DNAH14: variants seen among roughly 807,000 people sequenced by gnomAD.
The protein encoded by DNAH14 is axonemal beta dynein heavy chain 14.
Under a neutral mutation model 520.9 loss-of-function variants are expected in DNAH14, and 478 were observed. That is an observed-to-expected ratio of 0.92 (90% CI 0.85 to 0.99). DNAH14 has a LOEUF of 0.99. Among genes scored for constraint, DNAH14 ranks in the 50% least tolerant of loss-of-function variants. The pLI, the probability that DNAH14 is intolerant of heterozygous loss-of-function variation, is 0.00. For missense variants in DNAH14, 4,831 were observed against 5,234.5 expected (o/e 0.92, Z 2.38); for synonymous variants, 1,581 against 1,757.2 (o/e 0.90, Z 2.51).
At chr1:225,319,284 C>T (rs1391771482) in intron 61 of DNAH14, among the ~76,000 whole-genome samples, 2 of 152,132 alleles carry the variant, frequency 1.3e-5, no homozygotes, top group African/African-American at 2.4e-5. Flanking sequence ...AGAAATGAAA[C>T]ATTTTAGGCT....
intron 23 of DNAH14, among the ~76,000 whole-genome samples, chr1:225,102,576 C>A (rs954124472): frequency 9.9e-5 from 15 of 152,080 alleles, no homozygotes; most frequent in African/African-American, 3.4e-4. Flanking sequence ...TTTTAATGAT[C>A]GCCATTCTAA....
At position 225,305,096 on chromosome 1, in the gene DNAH14, C is replaced by T. The variant is rs1176469647; in HGVS notation, c.9005+7C>T. 11 of 1,518,412 alleles carry T rather than the reference C, an allele frequency of 7.2e-6. No homozygotes were observed. Among genetic ancestry groups the T allele is most frequent in the Non-Finnish European group, 9.7e-6 (11 of 1,139,510 alleles). 94.1% of individuals were successfully genotyped at this position (1,518,412 alleles called of 1,614,324 possible). On this transcript the variant is annotated splice_region_variant and intron_variant, in intron 58 of 85. Transcript: ENST00000682510. The stretch of plus-strand genomic sequence containing the variant: ...AAGAGATGCAAACAAAGAGGTAAGA[C>T]TTTGAGAACAAATCATAAATATATT...
chr1:225,206,448 C>T (rs960588501), intron 40 of DNAH14, among the ~76,000 whole-genome samples: 2 of 152,068 alleles, frequency 1.3e-5, no homozygotes, highest in African/African-American at 4.8e-5. Flanking sequence ...GGTTAGACTG[C>T]TGATGTGAAT....
At chr1:225,143,243 CTACTT>C (rs1273292245) in intron 28 of DNAH14, among the ~76,000 whole-genome samples, 8 of 152,144 alleles carry the variant, frequency 5.3e-5, no homozygotes, top group Non-Finnish European at 1.0e-4. Context: ...ATTTGGCACT[CTACTT>C]GAATCATAAA....
intron 41 of DNAH14, among the ~76,000 whole-genome samples, chr1:225,213,110 T>G (rs1009685952): frequency 4.6e-5 from 7 of 152,240 alleles, no homozygotes; most frequent in Non-Finnish European, 8.8e-5. Context: ...GTGATCCAGT[T>G]TCAACTTTCT....
At chr1:225,239,430 G>T (rs2091832470) in intron 42 of DNAH14, among the ~76,000 whole-genome samples, 1 of 152,060 alleles carries the variant, frequency 6.6e-6, no homozygotes, top group Non-Finnish European at 1.5e-5. Flanking sequence ...GGTGGAAGGG[G>T]GTTCCTTTGG....
chr1:225,366,180 T>C (rs2150590786), intron 76 of DNAH14, among the ~76,000 whole-genome samples: 1 of 152,286 alleles, frequency 6.6e-6, no homozygotes, highest in East Asian at 1.9e-4. Context: ...GTTAGTGCTA[T>C]TAAGGATATA....
In DNAH14 at chr1:225,215,391, G is replaced by C. The variant is rs535845615; in HGVS notation, c.6439+8171G>C. Reference sequence around the variant, plus strand: ...AGAAGAATGTATATTCTGTTGATTTGGGGTGGAGAGTTCTGTAGATTTCTA... The same window carrying C: ...AGAAGAATGTATATTCTGTTGATTTCGGGTGGAGAGTTCTGTAGATTTCTA... On this transcript the variant is annotated intron_variant, in intron 41 of 85. Coordinates refer to ENST00000682510, the MANE Select transcript of DNAH14 (RefSeq NM_001367479.1). Among the ~76,000 whole-genome samples, 3 of 152,278 alleles carry C rather than the reference G, an allele frequency of 2.0e-5. No individual in the cohort carries two copies. The South Asian group carries it at 6.2e-4, about 32-fold the overall frequency.
rs775140756 is a variant in DNAH14, at chr1:224,955,058, T to G, written c.177T>G (p.Val59=). Residue 59 remains valine (V), a synonymous_variant, in exon 3 of 86, where the codon GTT becomes GTG. Coordinates refer to ENST00000682510, the MANE Select transcript of DNAH14 (RefSeq NM_001367479.1). ...AEKETLEYKT[V]RTFSESLKSE... Reference sequence around the variant, plus strand: ...AGGAAACATTGGAATATAAAACAGTTAGAACATTCTCTGAATCTTTGAAGT... The same window carrying G: ...AGGAAACATTGGAATATAAAACAGTGAGAACATTCTCTGAATCTTTGAAGT... The G allele has an allele frequency of 1.8e-5, 29 of 1,611,448 alleles. No homozygotes were observed. Among genetic ancestry groups the G allele is most frequent in the Non-Finnish European group, 2.4e-5 (28 of 1,178,396 alleles).
intron 17 of DNAH14, among the ~76,000 whole-genome samples, chr1:225,069,955 A>G (rs2071359081): frequency 6.6e-6 from 1 of 152,100 alleles, no homozygotes; most frequent in African/African-American, 2.4e-5. Context: ...GTGTCCAGGA[A>G]TGTATCCATT....
chr1:225,126,500 T>A (rs1334423297), intron 27 of DNAH14, among the ~76,000 whole-genome samples: 1 of 152,224 alleles, frequency 6.6e-6, no homozygotes, highest in Non-Finnish European at 1.5e-5. Context: ...TGCATAGAGC[T>A]GTTTGTAGTA....
intron 8 of DNAH14, among the ~76,000 whole-genome samples, chr1:225,002,213 G>A (rs2063822138): frequency 6.6e-6 from 1 of 151,948 alleles, no homozygotes; most frequent in African/African-American, 2.4e-5. Context: ...CTTCTACTCT[G>A]CCCTTTTCTC....
At chr1:225,189,290 A>G (rs1199946395) in intron 37 of DNAH14, among the ~76,000 whole-genome samples, 1 of 151,790 alleles carries the variant, frequency 6.6e-6, no homozygotes, top group Non-Finnish European at 1.5e-5. Context: ...GGATTTTTGC[A>G]TATATATCCT....
At chr1:225,212,045 A>C in intron 41 of DNAH14, among the ~76,000 whole-genome samples, 1 of 124,502 alleles carries the variant, frequency 8.0e-6, no homozygotes, top group Non-Finnish European at 1.7e-5. Context: ...TCCTAATGCT[A>C]TCCCTCCCCC....
At chr1:225,348,629 C>T (rs1385925431) in intron 71 of DNAH14, among the ~76,000 whole-genome samples, 1 of 152,062 alleles carries the variant, frequency 6.6e-6, no homozygotes. Context: ...GTCAAAACTG[C>T]CCTTCAAAAA....
Position 225,152,874 on chromosome 1 carries a change from C to A in DNAH14, c.5187C>A (p.Leu1729=). 6.5e-7 allele frequency: 1 copy of A among 1,549,264 alleles called. No homozygotes were observed. Among genetic ancestry groups the A allele is most frequent in the South Asian group, 1.2e-5 (1 of 83,558 alleles). ...TNLYELARKQ[L]SQQDHYNFGL... ...TTTATGAATTAGCGCGCAAACAGCT[C>A]TCACAACAGGTAAATAGCTACTTTT... is the stretch of plus-strand genomic sequence containing the variant. Residue 1729 remains leucine, a synonymous_variant, in exon 33 of 86, where the codon CTC becomes CTA. Coordinates refer to ENST00000682510, the MANE Select transcript of DNAH14 (RefSeq NM_001367479.1).
In DNAH14 at chr1:225,152,700, C is replaced by T. The variant is rs559411871; in HGVS notation, c.5013C>T (p.Tyr1671=). 1.4e-5 allele frequency: 22 copies of T among 1,536,488 alleles called. No homozygotes were observed. In the Admixed American group the frequency reaches 1.5e-4, roughly 10 times the overall value. ...CAVFITMNPR[Y]GGGVELPDNL... is the part of the protein sequence containing the mutation. ...TTGTTTTTCTTTTCCTCTTCAGATA[C>T]GGAGGTGGAGTAGAGCTCCCAGATA... The change falls in exon 33 of 86, where the codon TAC becomes TAT. Residue 1671 remains tyrosine (Y), a synonymous_variant. Transcript: ENST00000682510.
intron 42 of DNAH14, among the ~76,000 whole-genome samples, chr1:225,233,935 T>C (rs888111592): frequency 3.9e-5 from 6 of 152,202 alleles, no homozygotes; most frequent in African/African-American, 1.4e-4. Context: ...TACATTTAAG[T>C]CTTTAATCTA....
At chr1:225,027,179 T>C (rs890945324) in intron 11 of DNAH14, among the ~76,000 whole-genome samples, 1 of 152,294 alleles carries the variant, frequency 6.6e-6, no homozygotes, top group Non-Finnish European at 1.5e-5. Flanking sequence ...ATTTTCTTTA[T>C]GCAAAATCAT....
Sources: allele counts gnomAD v4.1 joint callset (sites outside exome capture counted in the v4.1 genomes callset), GRCh38; gene constraint gnomAD v4.1.1; transcripts MANE v1.5; gene names NCBI Gene and HGNC (gene_info 2026-07-23, HGNC 2026-07-21).